Variants in SKAP2 observed in about 807,000 individuals in gnomAD.
SKAP2 encodes the protein src kinase-associated phosphoprotein 2.
In SKAP2, 28 loss-of-function variants were observed where a neutral mutation model predicts 54.9. That is an observed-to-expected ratio of 0.51 (90% confidence interval 0.38 to 0.70). The LOEUF (loss-of-function observed/expected upper bound fraction) is 0.70. SKAP2 is among the 30% of genes least tolerant of loss of function. The pLI, the probability that SKAP2 is intolerant of heterozygous loss-of-function variation, is 0.00. For synonymous variants in SKAP2, 137 were observed against 134.3 expected, an observed-to-expected ratio of 1.02 and a Z score of -0.14; for missense variants, 356 against 424.1, an observed-to-expected ratio of 0.84 and a Z score of 1.41.
intron 4 of SKAP2, among the ~76,000 whole-genome samples, chr7:26,838,369 C>A (rs1404075686): frequency 6.6e-6 from 1 of 152,148 alleles, no homozygotes; most frequent in Non-Finnish European, 1.5e-5. Flanking sequence ...CACCTCACTG[C>A]CACCATTCAA....
At chr7:26,856,333 CAAAAT>C (rs1200156451) in intron 1 of SKAP2, among the ~76,000 whole-genome samples, 1 of 150,276 alleles carries the variant, frequency 6.7e-6, no homozygotes, top group African/African-American at 2.5e-5. Context: ...AAATAAGTAT[CAAAAT>C]GAAATGAAAG....
chr7:26,679,334 AGAG>A (rs1197844414), intron 11 of SKAP2, among the ~76,000 whole-genome samples: 3 of 152,222 alleles, frequency 2.0e-5, no homozygotes, highest in Non-Finnish European at 4.4e-5. Context: ...ACAGATAACA[AGAG>A]GAGTCCTATG....
In SKAP2 at chr7:26,725,394, A is replaced by G. The variant is rs767928844; in HGVS notation, c.796+34T>C. ...CACTCACACACACACACACAGCCCT[A>G]AAATCTTTAAATGAATCACCAGAAA... is the stretch of plus-strand genomic sequence containing the variant. On this transcript the variant is annotated intron_variant, in intron 9 of 12. Transcript: ENST00000345317. 3.2e-6 allele frequency: 5 copies of G among 1,556,610 alleles called. No individual in the cohort carries two copies. The Admixed American group carries it at 6.8e-5, about 21-fold the overall frequency.
At chr7:26,701,306 T>TTA (rs1045203058) in intron 9 of SKAP2, among the ~76,000 whole-genome samples, 3 of 152,230 alleles carry the variant, frequency 2.0e-5, no homozygotes. Context: ...CTGTCTCTAA[T>TTA]AAGTTTTGAA....
At chr7:26,678,744 T>TG (rs1786416620) in intron 11 of SKAP2, among the ~76,000 whole-genome samples, 1 of 152,178 alleles carries the variant, frequency 6.6e-6, no homozygotes, top group African/African-American at 2.4e-5. Flanking sequence ...CCTGGCATGC[T>TG]GGTTGTTCCT....
chr7:26,853,923 G>A (rs773890016), intron 3 of SKAP2, among the ~76,000 whole-genome samples: 18 of 152,082 alleles, frequency 1.2e-4, no homozygotes, highest in Non-Finnish European at 1.9e-4. Context: ...TAAGATTTCC[G>A]CATCAGAAGA....
At chr7:26,724,165 A>C (rs145068477) in intron 9 of SKAP2, among the ~76,000 whole-genome samples, 34 of 152,270 alleles carry the variant, frequency 2.2e-4, no homozygotes, top group Admixed American at 2.2e-3. Flanking sequence ...TTATACCTTA[A>C]ATTTATAATA....
At chr7:26,815,810 T>TA (rs900071904) in intron 4 of SKAP2, among the ~76,000 whole-genome samples, 6 of 152,166 alleles carry the variant, frequency 3.9e-5, no homozygotes, top group African/African-American at 1.4e-4. Context: ...TTGGGAATGA[T>TA]AAAACAGTAT....
chr7:26,744,545 G>A (rs868313246), intron 4 of SKAP2, among the ~76,000 whole-genome samples: 34 of 152,142 alleles, frequency 2.2e-4, no homozygotes, highest in African/African-American at 8.0e-4. Flanking sequence ...GGGGGAGAGA[G>A]AGAAAGAGCT....
At chr7:26,669,968 T>C (rs1185543292) in intron 12 of SKAP2, 123 bp downstream of exon 12, 2 of 423,462 alleles carry the variant, frequency 4.7e-6, no homozygotes, top group Non-Finnish European at 8.6e-6. Flanking sequence ...CAAAAAAGAT[T>C]TCGGGGCACA....
At chr7:26,780,809 A>C (rs1279354252) in intron 4 of SKAP2, among the ~76,000 whole-genome samples, 1 of 152,030 alleles carries the variant, frequency 6.6e-6, no homozygotes, top group Non-Finnish European at 1.5e-5. Flanking sequence ...TTATTTTCAC[A>C]TGAGGAGTAA....
chr7:26,681,502 TTTTA>T (rs1786497672), intron 11 of SKAP2, among the ~76,000 whole-genome samples: 2 of 152,210 alleles, frequency 1.3e-5, no homozygotes, highest in African/African-American at 4.8e-5. Context: ...ATGCATGGGA[TTTTA>T]TTTCTTGTTT....
intron 4 of SKAP2, among the ~76,000 whole-genome samples, chr7:26,815,614 A>AT (rs1195491231): frequency 4.6e-5 from 7 of 152,164 alleles, no homozygotes; most frequent in African/African-American, 1.7e-4. Flanking sequence ...AAGTCTACAG[A>AT]TTGGCAGTTC....
chr7:26,767,248 A>G (rs1783079480), intron 4 of SKAP2, among the ~76,000 whole-genome samples: 1 of 151,944 alleles, frequency 6.6e-6, no homozygotes, highest in South Asian at 2.1e-4. Flanking sequence ...TTTCTAGTTT[A>G]TTTGCAAGGA....
intron 9 of SKAP2, among the ~76,000 whole-genome samples, chr7:26,716,038 T>C (rs1225930655): frequency 4.6e-5 from 7 of 152,226 alleles, no homozygotes; most frequent in Non-Finnish European, 5.9e-5. Flanking sequence ...TCAGTGTAAT[T>C]TGTTGAGAGT....
chr7:26,823,806 C>A (rs1784432848), intron 4 of SKAP2, among the ~76,000 whole-genome samples: 1 of 152,078 alleles, frequency 6.6e-6, no homozygotes, highest in South Asian at 2.1e-4. Flanking sequence ...AGAAGTGGAC[C>A]CTGCAGATAT....
In SKAP2 at chr7:26,837,305, GCA is replaced by G. The variant is rs149965869; in HGVS notation, c.307+6723_307+6724del. 8.9e-3 allele frequency among the ~76,000 whole-genome samples: 1,355 copies of G among 152,184 alleles called. 17 individuals carry two copies. The highest frequency in any genetic ancestry group is 0.01 in the Non-Finnish European group (708 of 68,006). On this transcript the variant is annotated intron_variant, in intron 4 of 12. Coordinates refer to ENST00000345317, the MANE Select transcript of SKAP2 (RefSeq NM_003930.5). ...CCTATGTAACAAACCTGCACGCTCTGCACATGTACCCCAGAACTTAAAGTATA... is the reference window on the plus strand; with the variant it reads ...CCTATGTAACAAACCTGCACGCTCTGCATGTACCCCAGAACTTAAAGTATA...
intron 11 of SKAP2, among the ~76,000 whole-genome samples, chr7:26,675,193 A>G (rs1386648264): frequency 6.6e-6 from 1 of 151,972 alleles, no homozygotes; most frequent in Non-Finnish European, 1.5e-5. Context: ...CTAACTCTCC[A>G]CTGCATTAAC....
At chr7:26,665,340 A>G (rs925559297), downstream of SKAP2, among the ~76,000 whole-genome samples, 8 of 152,184 alleles carry the variant, frequency 5.3e-5, no homozygotes, top group African/African-American at 1.9e-4. Flanking sequence ...CCACAACTCA[A>G]CTTTCTTATT....
Sources: allele counts gnomAD v4.1 joint callset (sites outside exome capture counted in the v4.1 genomes callset), GRCh38; gene constraint gnomAD v4.1.1; transcripts MANE v1.5; gene names NCBI Gene and HGNC (gene_info 2026-07-23, HGNC 2026-07-21).